Variants in ARL8B observed in about 807,000 individuals in gnomAD.
ARL8B encodes ARF like GTPase 8B.
Under a neutral mutation model 30.6 loss-of-function variants are expected in ARL8B, and 9 were observed. That is an observed-to-expected ratio of 0.29 (90% CI 0.18 to 0.51). The LOEUF is 0.51. Among genes scored for constraint, ARL8B ranks in the 20% least tolerant of loss-of-function variants. The pLI, the probability that ARL8B is intolerant of heterozygous loss-of-function variation, is 0.97. For missense variants in ARL8B, 130 were observed against 227.2 expected, an observed-to-expected ratio of 0.57 and a Z score of 2.75; for synonymous variants, 74 against 76.0, an observed-to-expected ratio of 0.97 and a Z score of 0.14.
intron 1 of ARL8B, among the ~76,000 whole-genome samples, chr3:5,163,661 G>A (rs2106567556): frequency 6.6e-6 from 1 of 152,286 alleles, no homozygotes; most frequent in East Asian, 1.9e-4. Flanking sequence ...CCTGAGGTCA[G>A]GAGTTCAAGA....
intron 1 of ARL8B, among the ~76,000 whole-genome samples, chr3:5,156,345 T>C (rs1024568865): frequency 1.3e-5 from 2 of 152,190 alleles, no homozygotes; most frequent in African/African-American, 4.8e-5. Context: ...CTAATAATGT[T>C]GTAACCCTGG....
chr3:5,150,058 G>C (rs1004969983), intron 1 of ARL8B, among the ~76,000 whole-genome samples: 2 of 152,134 alleles, frequency 1.3e-5, no homozygotes, highest in African/African-American at 4.8e-5. Flanking sequence ...TGAATATTGT[G>C]AGCTACTTTT....
chr3:5,157,972 G>GT lies in ARL8B; in HGVS notation c.124-12520dup, dbSNP rs1030854291. ...TTTACTTTTCAGAGTCCTCAGATAG[G>GT]TTTTTTTTTTTAATGTATTTTGAGA... On this transcript the variant is annotated intron_variant, in intron 1 of 6. Coordinates refer to ENST00000256496, the MANE Select transcript of ARL8B (RefSeq NM_018184.3). 1.6e-3 allele frequency: 236 copies of GT among 146,850 alleles called. 1 individual carries two copies. Among genetic ancestry groups the GT allele is most frequent in the African/African-American group, 3.9e-3 (159 of 40,306 alleles). 9.1% of individuals were successfully genotyped at this position (146,850 alleles called of 1,614,324 possible). A position where few individuals can be genotyped will look rare whatever the true frequency, so the allele number is the denominator to read the frequency against.
intron 1 of ARL8B, among the ~76,000 whole-genome samples, chr3:5,154,363 T>C (rs1175582603): frequency 8.2e-6 from 1 of 122,230 alleles, no homozygotes; most frequent in African/African-American, 4.3e-5. Context: ...AGACAGGGTC[T>C]CGCTGTGTTG....
chr3:5,177,669 T>C (rs2106574989), intron 6 of ARL8B, among the ~76,000 whole-genome samples: 1 of 152,314 alleles, frequency 6.6e-6, no homozygotes, highest in South Asian at 2.1e-4. Context: ...TTGGCCAGGC[T>C]GGTCTCAAAC....
rs777120035 is a variant in ARL8B at position 5,172,663 on chromosome 3, G to T, written c.295G>T (p.Ala99Ser). 6.2e-7 allele frequency: 1 copy of T among 1,611,668 alleles called. No individual in the cohort carries two copies. The highest frequency in any genetic ancestry group is 1.7e-5 in the Admixed American group (1 of 59,946). ...VNAIVYMIDA[A>S]DREKIEASRN... Reference sequence around the variant, plus strand: ...TTTTTTAAGTTACATGATAGATGCTGCAGATCGTGAAAAGATAGAAGCTTC... The same window carrying T: ...TTTTTTAAGTTACATGATAGATGCTTCAGATCGTGAAAAGATAGAAGCTTC... The change falls in exon 4 of 7, where the codon GCA (alanine) becomes TCA (serine). Residue 99 changes from alanine (A) to serine (S), a missense_variant. Ala to Ser is a moderately conservative substitution (Grantham distance 99, BLOSUM62 1). Transcript: ENST00000256496.
rs58230539 is a variant in ARL8B at position 5,162,987 on chromosome 3, C to CTTTTTTTTTT, written c.124-7507_124-7498dup. Among the ~76,000 whole-genome samples, 18 of 125,812 alleles carry CTTTTTTTTTT rather than the reference C, an allele frequency of 1.4e-4. 2 individuals are homozygous for CTTTTTTTTTT. The highest frequency in any genetic ancestry group is 4.8e-4 in the African/African-American group (15 of 31,210). 82.5% of individuals were successfully genotyped at this position (125,812 alleles called of 152,430 possible). A position where few individuals can be genotyped will look rare whatever the true frequency, so the allele number is the denominator to read the frequency against. The stretch of plus-strand genomic sequence containing the variant: ...GTGTGTACTCAGTGTTTAGCTCCCA[C>CTTTTTTTTTT]TTTTTTTTTTTTTTTTTTGAGACGG... On this transcript the variant is annotated intron_variant, in intron 1 of 6. Transcript: ENST00000256496.
intron 1 of ARL8B, among the ~76,000 whole-genome samples, chr3:5,169,672 G>A (rs994046713): frequency 6.6e-6 from 1 of 151,578 alleles, no homozygotes; most frequent in Non-Finnish European, 1.5e-5. Context: ...CTTTTCATGA[G>A]TTCATTGGCC....
intron 1 of ARL8B, among the ~76,000 whole-genome samples, chr3:5,150,220 C>T (rs1046388930): frequency 5.3e-5 from 8 of 152,026 alleles, no homozygotes; most frequent in South Asian, 2.1e-4. Context: ...CCCAGCACTT[C>T]GGGAGGCTGA....
chr3:5,171,260 T>C (rs1017579742), intron 2 of ARL8B, among the ~76,000 whole-genome samples: 2 of 152,220 alleles, frequency 1.3e-5, no homozygotes, highest in Non-Finnish European at 2.9e-5. Flanking sequence ...GAGACTTTAA[T>C]GTAGCCCAGT....
At chr3:5,178,132 G>A (rs2054745932) in intron 6 of ARL8B, among the ~76,000 whole-genome samples, 1 of 152,146 alleles carries the variant, frequency 6.6e-6, no homozygotes. Context: ...CACCAGCCTT[G>A]GCAGTGACAG....
chr3:5,163,110 C>T (rs377005261), intron 1 of ARL8B, among the ~76,000 whole-genome samples: 1 of 151,840 alleles, frequency 6.6e-6, no homozygotes, highest in African/African-American at 2.4e-5. Flanking sequence ...ACCTCCACCT[C>T]TGAAGTAGCT....
intron 1 of ARL8B, among the ~76,000 whole-genome samples, chr3:5,145,797 G>C (rs1250820390): frequency 6.7e-6 from 1 of 148,610 alleles, no homozygotes; most frequent in African/African-American, 2.6e-5. Context: ...AAAATTTTCA[G>C]AGTTCTCTCT....
intron 1 of ARL8B, among the ~76,000 whole-genome samples, chr3:5,125,188 C>G (rs2054219662): frequency 6.6e-6 from 1 of 152,078 alleles, no homozygotes; most frequent in African/African-American, 2.4e-5. Context: ...CAGAGTTGCT[C>G]TAGGGATTAA....
intron 6 of ARL8B, 123 bp from the exon 7 acceptor site, chr3:5,178,541 T>C (rs2054750549): frequency 2.5e-6 from 2 of 812,660 alleles, no homozygotes; most frequent in Non-Finnish European, 3.8e-6. Context: ...GTAATGCAGA[T>C]GCAGAAAAGC....
At chr3:5,158,726 T>A (rs1296413585) in intron 1 of ARL8B, among the ~76,000 whole-genome samples, 1 of 152,104 alleles carries the variant, frequency 6.6e-6, no homozygotes, top group Non-Finnish European at 1.5e-5. Flanking sequence ...CTGAAACTCT[T>A]TATGTTATAC....
At chr3:5,159,332 G>A (rs1193207987) in intron 1 of ARL8B, among the ~76,000 whole-genome samples, 1 of 150,640 alleles carries the variant, frequency 6.6e-6, no homozygotes, top group Non-Finnish European at 1.5e-5. Context: ...GCCAGGTGCG[G>A]TGGCTCATGC....
rs534460948 is a variant in ARL8B, at chr3:5,136,875, C to G, written c.123+14287C>G. ...ACTGTCTTACTCATCGTTCAGGTCC[C>G]AGGTCTGTAAAACTTTGCCCTAACT... On this transcript the variant is annotated intron_variant, in intron 1 of 6. Transcript: ENST00000256496. Among the ~76,000 whole-genome samples, 3 of 152,248 alleles carry G rather than the reference C, an allele frequency of 2.0e-5. No homozygotes were observed. In the East Asian group the frequency reaches 5.8e-4, roughly 29 times the overall value.
At chr3:5,167,079 G>A (rs367755725) in intron 1 of ARL8B, among the ~76,000 whole-genome samples, 2 of 152,142 alleles carry the variant, frequency 1.3e-5, no homozygotes, top group African/African-American at 4.8e-5. Context: ...TAGCATAATT[G>A]TTAATAAGAT....
Sources: gnomAD v4.1 joint callset for allele counts (sites outside exome capture counted in the v4.1 genomes callset) on GRCh38, gnomAD v4.1.1 for gene constraint, MANE v1.5 for transcripts, NCBI Gene and HGNC (gene_info 2026-07-23, HGNC 2026-07-21) for gene names.